CDH10: variants seen among roughly 807,000 people sequenced by gnomAD.
The protein encoded by CDH10 is cadherin-10.
Under a neutral mutation model 73.1 loss-of-function variants are expected in CDH10, and 30 were observed. That is an observed-to-expected ratio of 0.41 (90% CI 0.31 to 0.56). The LOEUF (loss-of-function observed/expected upper bound fraction) is 0.56. Among genes scored for constraint, CDH10 ranks in the 20% least tolerant of loss-of-function variants. CDH10 has a pLI of 0.27. For missense variants in CDH10, 815 were observed against 973.7 expected (o/e 0.84, Z 2.17); for synonymous variants, 345 against 348.2 (o/e 0.99, Z 0.10).
chr5:24,588,412 T>A (rs1318623942), intron 2 of CDH10, among the ~76,000 whole-genome samples: 1 of 152,214 alleles, frequency 6.6e-6, no homozygotes, highest in Non-Finnish European at 1.5e-5. Context: ...CATGTTTGGA[T>A]AATTTTTTTA....
chr5:24,487,844 G>T lies in CDH10; in HGVS notation c.2186C>A (p.Pro729His), dbSNP rs771781685. The change falls in exon 12 of 12, where the codon CCC (proline) becomes CAC (histidine). Residue 729 changes from proline (P) to histidine (H), a missense_variant. Pro to His is a moderately conservative substitution (Grantham distance 77). Around this residue, in one of 3 missense-constraint regions of CDH10, gnomAD observed 241 missense variants for 240.3 expected, o/e 1.00. Coordinates refer to ENST00000264463, the MANE Select transcript of CDH10 (RefSeq NM_006727.5). Reference protein sequence around the residue: ...KEHDLDPTAPPYDSLATYAYE... With the variant: ...KEHDLDPTAPHYDSLATYAYE... The stretch of plus-strand genomic sequence containing the variant: ...GGCATAGGTTGCAAGTGAGTCGTAG[G>T]GGGGTGCGGTGGGGTCAAGATCATG... 9 of 1,613,894 alleles carry T rather than the reference G, an allele frequency of 5.6e-6. No individual in the cohort carries two copies. Among genetic ancestry groups the T allele is most frequent in the Admixed American group, 1.7e-5 (1 of 59,980 alleles).
At chr5:24,570,733 T>G (rs1745346333) in intron 2 of CDH10, among the ~76,000 whole-genome samples, 1 of 152,094 alleles carries the variant, frequency 6.6e-6, no homozygotes, top group Admixed American at 6.5e-5. Flanking sequence ...ACTGTCTGTA[T>G]GAAATATAAA....
intron 5 of CDH10, among the ~76,000 whole-genome samples, chr5:24,530,640 G>GA (rs758544012): frequency 6.6e-6 from 1 of 151,944 alleles, no homozygotes; most frequent in African/African-American, 2.4e-5. Context: ...ATTTGCTCTG[G>GA]AATCCTCCTC....
chr5:24,604,453 AT>A (rs1242394719), intron 1 of CDH10, among the ~76,000 whole-genome samples: 1 of 152,232 alleles, frequency 6.6e-6, no homozygotes, highest in Admixed American at 6.5e-5. Context: ...GTCTTTTGTA[AT>A]TGGTAAAGAT....
intron 2 of CDH10, among the ~76,000 whole-genome samples, chr5:24,561,481 T>C (rs1451597347): frequency 6.6e-6 from 1 of 152,140 alleles, no homozygotes; most frequent in South Asian, 2.1e-4. Flanking sequence ...TAAGGGTAAT[T>C]TGCCTGGCAA....
chr5:24,560,610 G>T (rs936324644), intron 2 of CDH10, among the ~76,000 whole-genome samples: 2 of 151,890 alleles, frequency 1.3e-5, no homozygotes, highest in African/African-American at 4.8e-5. Context: ...TGTATAAATA[G>T]ATACTATTAT....
At chr5:24,516,928 T>A (rs1441601844) in intron 5 of CDH10, among the ~76,000 whole-genome samples, 4 of 152,008 alleles carry the variant, frequency 2.6e-5, no homozygotes, top group African/African-American at 9.7e-5. Flanking sequence ...TCATAATGTC[T>A]AAATATGTCA....
Position 24,593,335 on chromosome 5 carries a change from T to A in CDH10, c.156A>T (p.Gln52His). 6.2e-7 allele frequency: 1 copy of A among 1,613,234 alleles called. No homozygotes were observed. Among genetic ancestry groups the A allele is most frequent in the Non-Finnish European group, 8.5e-7 (1 of 1,179,310 alleles). Residue 52 changes from glutamine (Q) to histidine (H), a missense_variant, in exon 2 of 12, where the codon CAA becomes CAT. Physicochemically the swap from Gln to His is conservative, Grantham distance 24. This residue lies in a region of CDH10 where 58 missense variants were observed against 96.7 expected (regional missense o/e 0.60). Transcript: ENST00000264463. ...PRSDGKILHRQKRGWMWNQFF... is the reference protein window; with the variant it reads ...PRSDGKILHRHKRGWMWNQFF... ...ATTGATTCCACATCCAACCACGTTT[T>A]TGACGATGGAGAATTTTGCCATCAC...
chr5:24,520,399 T>C (rs775937736), intron 5 of CDH10, among the ~76,000 whole-genome samples: 3 of 152,154 alleles, frequency 2.0e-5, no homozygotes, highest in Non-Finnish European at 2.9e-5. Context: ...TGTGATACTA[T>C]CTTTATAAAC....
At chr5:24,548,017 A>C (rs1464094986) in intron 2 of CDH10, among the ~76,000 whole-genome samples, 1 of 152,182 alleles carries the variant, frequency 6.6e-6, no homozygotes, top group African/African-American at 2.4e-5. Context: ...GCAAGTCCAA[A>C]ATCTACAGGG....
intron 5 of CDH10, among the ~76,000 whole-genome samples, chr5:24,515,650 C>T (rs1336025000): frequency 6.6e-6 from 1 of 152,180 alleles, no homozygotes; most frequent in Non-Finnish European, 1.5e-5. Flanking sequence ...GGAGATCTCA[C>T]TTTGCATTTG....
intron 4 of CDH10, 29 bp from the exon 5 acceptor site, chr5:24,535,308 A>G (rs1480497202): frequency 6.4e-7 from 1 of 1,572,510 alleles, no homozygotes. Flanking sequence ...AACTTCCATT[A>G]TCTTCACTGA....
At chr5:24,537,169 T>C (rs1218992029) in intron 3 of CDH10, among the ~76,000 whole-genome samples, 4 of 151,932 alleles carry the variant, frequency 2.6e-5, no homozygotes, top group East Asian at 3.9e-4. Context: ...TGTCTACCTA[T>C]ATGTATTATA....
intron 1 of CDH10, among the ~76,000 whole-genome samples, chr5:24,621,835 C>A (rs563337461): frequency 6.6e-6 from 1 of 152,240 alleles, no homozygotes; most frequent in Admixed American, 6.5e-5. Flanking sequence ...TATACACACA[C>A]ACACAGATAT....
intron 2 of CDH10, among the ~76,000 whole-genome samples, chr5:24,572,374 T>G (rs543436877): frequency 7.0e-4 from 106 of 152,170 alleles, no homozygotes; most frequent in Non-Finnish European, 1.3e-3. Flanking sequence ...GCCAGCACCT[T>G]CTTTGAAGAA....
chr5:24,625,558 TATATTCATATATATAC>T (rs899133730), intron 1 of CDH10, among the ~76,000 whole-genome samples: 2 of 58,180 alleles, frequency 3.4e-5, no homozygotes, highest in Admixed American at 2.3e-4. Context: ...TATATATATA[TATATTCATATATATAC>T]ATATATTCAT....
chr5:24,627,081 T>A lies in CDH10; in HGVS notation c.-124+17513A>T, dbSNP rs111861620. ...CCTGTATATAATTAAAAATATTCTA[T>A]GCACATTAAGTAATATCACCATATG... is the stretch of plus-strand genomic sequence containing the variant. On this transcript the variant is annotated intron_variant, in intron 1 of 11. Transcript: ENST00000264463. 7.8e-3 allele frequency among the ~76,000 whole-genome samples: 1,185 copies of A among 152,006 alleles called. 12 individuals are homozygous for A. The highest frequency in any genetic ancestry group is 0.027 in the African/African-American group (1,131 of 41,506).
intron 1 of CDH10, among the ~76,000 whole-genome samples, chr5:24,618,716 CT>C (rs1436987547): frequency 1.3e-5 from 2 of 152,176 alleles, no homozygotes; most frequent in Non-Finnish European, 2.9e-5. Flanking sequence ...AATGCTTAAA[CT>C]CTCCACAACA....
At chr5:24,520,972 C>T (rs906265386) in intron 5 of CDH10, among the ~76,000 whole-genome samples, 2 of 126,676 alleles carry the variant, frequency 1.6e-5, no homozygotes, top group South Asian at 2.8e-4. Context: ...CCACTGGATT[C>T]GGCCTCCCAA....
Sources: gnomAD v4.1 joint callset for allele counts (sites outside exome capture counted in the v4.1 genomes callset) on GRCh38, gnomAD v4.1.1 for gene constraint, gnomAD v4.1.1 regional missense constraint, MANE v1.5 for transcripts, NCBI Gene and HGNC (gene_info 2026-07-23, HGNC 2026-07-21) for gene names.